Variants in RYR2 observed in about 807,000 individuals in gnomAD.
RYR2 encodes cardiac muscle ryanodine receptor-calcium release channel.
Under a neutral mutation model 601.1 loss-of-function variants are expected in RYR2, and 227 were observed. That is an observed-to-expected ratio of 0.38 (90% CI 0.34 to 0.42). The LOEUF is 0.42. RYR2 is among the 10% of genes least tolerant of loss of function. The probability of loss-of-function intolerance (pLI) is 1.00; values close to 1 mark genes in which losing one functional copy is unlikely to be tolerated. For synonymous variants in RYR2, 2,223 were observed against 2,175.1 expected, an observed-to-expected ratio of 1.02 and a Z score of -0.61; for missense variants, 4,646 against 6,156.5, an observed-to-expected ratio of 0.75 and a Z score of 8.21.
intron 38 of RYR2, among the ~76,000 whole-genome samples, chr1:237,619,584 C>T (rs1217488746): frequency 6.6e-6 from 1 of 151,966 alleles, no homozygotes; most frequent in African/African-American, 2.4e-5. Flanking sequence ...GAAAACTTTT[C>T]AAGTTCAGTA....
chr1:237,436,175 C>G (rs1431032324), intron 12 of RYR2, among the ~76,000 whole-genome samples: 1 of 152,082 alleles, frequency 6.6e-6, no homozygotes, highest in Non-Finnish European at 1.5e-5. Flanking sequence ...CCTTAATTAC[C>G]TCTACAAGAT....
intron 17 of RYR2, among the ~76,000 whole-genome samples, chr1:237,481,612 G>A (rs937240829): frequency 2.0e-5 from 3 of 151,976 alleles, no homozygotes; most frequent in Non-Finnish European, 4.4e-5. Flanking sequence ...TCATGGTTGT[G>A]CTTACTCTTG....
intron 84 of RYR2, among the ~76,000 whole-genome samples, chr1:237,763,812 A>G (rs962606954): frequency 6.6e-6 from 1 of 152,240 alleles, no homozygotes; most frequent in Non-Finnish European, 1.5e-5. Context: ...ATTCCTATAC[A>G]GACACTTTTG....
intron 24 of RYR2, among the ~76,000 whole-genome samples, chr1:237,518,620 A>G (rs534358726): frequency 1.3e-5 from 2 of 152,324 alleles, no homozygotes; most frequent in South Asian, 4.1e-4. Flanking sequence ...ATAATAGTCC[A>G]TTATGTATAT....
At chr1:237,098,065 C>T (rs531484567) in intron 1 of RYR2, among the ~76,000 whole-genome samples, 9 of 152,004 alleles carry the variant, frequency 5.9e-5, no homozygotes, top group Non-Finnish European at 1.3e-4. Flanking sequence ...TGTTTTCCTC[C>T]CTATTAATTT....
At chr1:237,149,319 A>AAAAAC (rs1674434735) in intron 1 of RYR2, among the ~76,000 whole-genome samples, 1 of 152,062 alleles carries the variant, frequency 6.6e-6, no homozygotes, top group African/African-American at 2.4e-5. Context: ...AAACAAAAAC[A>AAAAAC]AAAACAAAAA....
intron 2 of RYR2, among the ~76,000 whole-genome samples, chr1:237,292,037 T>A (rs548791185): frequency 6.6e-6 from 1 of 152,316 alleles, no homozygotes; most frequent in Admixed American, 6.5e-5. Flanking sequence ...ATATGGGAAC[T>A]CTCTGTGCCT....
chr1:237,356,073 G>T, intron 4 of RYR2, 88 bp downstream of exon 4: 1 of 1,231,696 alleles, frequency 8.1e-7, no homozygotes, highest in Non-Finnish European at 1.2e-6. Context: ...GCTTCCTAGT[G>T]TGGCTTGTAC....
chr1:237,781,038 T>C (rs963105036), intron 88 of RYR2, among the ~76,000 whole-genome samples: 5 of 152,076 alleles, frequency 3.3e-5, no homozygotes, highest in Non-Finnish European at 7.4e-5. Flanking sequence ...TATATGTTCA[T>C]TGTCGGTACA....
At chr1:237,199,455 C>T (rs1335195060) in intron 1 of RYR2, among the ~76,000 whole-genome samples, 1 of 152,194 alleles carries the variant, frequency 6.6e-6, no homozygotes, top group Non-Finnish European at 1.5e-5. Context: ...AGGAAGCATC[C>T]AGCACGGGAG....
chr1:237,602,647 G>A (rs1351234911), intron 35 of RYR2, among the ~76,000 whole-genome samples: 1 of 152,164 alleles, frequency 6.6e-6, no homozygotes, highest in Non-Finnish European at 1.5e-5. Context: ...ACATGCTGAA[G>A]GTTAAGGAAT....
intron 1 of RYR2, among the ~76,000 whole-genome samples, chr1:237,138,418 C>G (rs1383086658): frequency 6.6e-6 from 1 of 152,116 alleles, no homozygotes; most frequent in African/African-American, 2.4e-5. Flanking sequence ...TAGAAAGAAC[C>G]ATGGCCTAGG....
At chr1:237,195,413 C>T (rs1362327634) in intron 1 of RYR2, among the ~76,000 whole-genome samples, 1 of 152,080 alleles carries the variant, frequency 6.6e-6, no homozygotes, top group Non-Finnish European at 1.5e-5. Flanking sequence ...ATCACCATGC[C>T]TGGCTAATTT....
At chr1:237,140,700 A>G (rs969337829) in intron 1 of RYR2, among the ~76,000 whole-genome samples, 3 of 152,204 alleles carry the variant, frequency 2.0e-5, no homozygotes, top group African/African-American at 7.2e-5. Context: ...GAATTAGACC[A>G]TATTTGTTCC....
intron 35 of RYR2, among the ~76,000 whole-genome samples, chr1:237,607,461 A>G (rs1333179773): frequency 6.6e-6 from 1 of 152,282 alleles, no homozygotes; most frequent in East Asian, 1.9e-4. Context: ...GCATTAGGAG[A>G]TATACCTAAT....
chr1:237,275,863 AT>A (rs1184361883), intron 2 of RYR2, among the ~76,000 whole-genome samples: 1 of 152,208 alleles, frequency 6.6e-6, no homozygotes, highest in Non-Finnish European at 1.5e-5. Flanking sequence ...CTAGAAGTTA[AT>A]TTTTTAAAAA....
At chr1:237,350,621 ATATATATATATATC>A (rs1391973948) in intron 3 of RYR2, among the ~76,000 whole-genome samples, 7 of 120,316 alleles carry the variant, frequency 5.8e-5, no homozygotes, top group East Asian at 2.4e-4. Flanking sequence ...ATATATATAT[ATATATATATATATC>A]TCTGACCTCT....
chr1:237,527,705 C>T (rs1667732108), intron 24 of RYR2, among the ~76,000 whole-genome samples: 1 of 152,172 alleles, frequency 6.6e-6, no homozygotes, highest in Non-Finnish European at 1.5e-5. Flanking sequence ...AAAGATGCTT[C>T]TAAAACATGT....
chr1:237,334,516 C>A (rs775354759), intron 3 of RYR2, among the ~76,000 whole-genome samples: 2 of 151,522 alleles, frequency 1.3e-5, no homozygotes, highest in African/African-American at 4.8e-5. Flanking sequence ...TATCATTTAG[C>A]TTTTATTCTT....
Sources: allele counts gnomAD v4.1 joint callset (sites outside exome capture counted in the v4.1 genomes callset), GRCh38; gene constraint gnomAD v4.1.1; transcripts MANE v1.5; gene names NCBI Gene and HGNC (gene_info 2026-07-23, HGNC 2026-07-21).